FBXO15: variants seen among roughly 807,000 people sequenced by gnomAD.
FBXO15 encodes F-box only protein 15.
A neutral mutation model predicts 49.5 loss-of-function variants in FBXO15; 30 were observed. The observed-to-expected ratio is 0.61, with a 90% CI of 0.45 to 0.82. The LOEUF (loss-of-function observed/expected upper bound fraction) is 0.82. FBXO15 is among the 40% of genes least tolerant of loss of function. The pLI, the probability that FBXO15 is intolerant of heterozygous loss-of-function variation, is 0.00. For synonymous variants in FBXO15, 250 were observed against 232.7 expected (o/e 1.07, Z -0.68); for missense variants, 591 against 631.5 (o/e 0.94, Z 0.69).
chr18:74,146,311 C>A (rs1389332177), intron 1 of FBXO15, among the ~76,000 whole-genome samples: 1 of 152,178 alleles, frequency 6.6e-6, no homozygotes, highest in Non-Finnish European at 1.5e-5. Context: ...TGACCATAGT[C>A]AATCATTCTA....
intron 2 of FBXO15, 61 bp downstream of exon 2, chr18:74,140,141 T>G: frequency 7.1e-7 from 1 of 1,400,612 alleles, no homozygotes; most frequent in East Asian, 2.5e-5. Flanking sequence ...GCATCATAAC[T>G]TTCTCTAATA....
intron 1 of FBXO15, among the ~76,000 whole-genome samples, chr18:74,144,881 G>T (rs1462642357): frequency 6.6e-6 from 1 of 152,116 alleles, no homozygotes; most frequent in African/African-American, 2.4e-5. Context: ...ACCTTAACTT[G>T]TGTGTCCCGA....
At chr18:74,124,446 T>A in intron 7 of FBXO15, 43 bp downstream of exon 7, 2 of 1,488,798 alleles carry the variant, frequency 1.3e-6, no homozygotes, top group African/African-American at 2.8e-5. Flanking sequence ...ATACTTTATA[T>A]TTACTGTACA....
chr18:74,114,296 A>C (rs1020374944), intron 8 of FBXO15, among the ~76,000 whole-genome samples: 2 of 152,196 alleles, frequency 1.3e-5, no homozygotes, highest in African/African-American at 4.8e-5. Flanking sequence ...GGAGGAATTA[A>C]GAGCACTTTG....
chr18:74,121,636 G>T (rs991223358), intron 8 of FBXO15, among the ~76,000 whole-genome samples: 13 of 152,206 alleles, frequency 8.5e-5, no homozygotes, highest in African/African-American at 3.1e-4. Flanking sequence ...AGACAAAGAG[G>T]ATATCTACAG....
chr18:74,131,319 C>G (rs1225091307), intron 3 of FBXO15, among the ~76,000 whole-genome samples: 2 of 152,176 alleles, frequency 1.3e-5, no homozygotes, highest in Non-Finnish European at 2.9e-5. Context: ...TTCCTGTCCC[C>G]ACTGCATAGA....
chr18:74,135,117 T>C (rs924386474), intron 3 of FBXO15, among the ~76,000 whole-genome samples: 1 of 152,144 alleles, frequency 6.6e-6, no homozygotes, highest in Non-Finnish European at 1.5e-5. Flanking sequence ...AAGATTATAG[T>C]GACAAACAGA....
intron 8 of FBXO15, among the ~76,000 whole-genome samples, chr18:74,117,843 C>T (rs1201657582): frequency 2.0e-5 from 3 of 152,010 alleles, no homozygotes; most frequent in African/African-American, 7.2e-5. Context: ...CAACGCTATG[C>T]TGTATTTGTT....
intron 8 of FBXO15, among the ~76,000 whole-genome samples, chr18:74,095,531 C>T (rs1242699242): frequency 6.6e-6 from 1 of 152,194 alleles, no homozygotes; most frequent in South Asian, 2.1e-4. Flanking sequence ...AGTCAGAACA[C>T]ATACAACAGT....
At chr18:74,112,823 G>A (rs1478753214) in intron 8 of FBXO15, among the ~76,000 whole-genome samples, 1 of 152,252 alleles carries the variant, frequency 6.6e-6, no homozygotes, top group Non-Finnish European at 1.5e-5. Context: ...TGGTAAGACT[G>A]TGGAGCAACA....
At chr18:74,117,188 T>G (rs1007053296) in intron 8 of FBXO15, among the ~76,000 whole-genome samples, 3 of 152,190 alleles carry the variant, frequency 2.0e-5, no homozygotes, top group African/African-American at 7.2e-5. Context: ...TGACTCCTAG[T>G]AGTGCAACCA....
At chr18:74,115,576 A>C (rs1332490566) in intron 8 of FBXO15, among the ~76,000 whole-genome samples, 1 of 152,194 alleles carries the variant, frequency 6.6e-6, no homozygotes, top group Non-Finnish European at 1.5e-5. Context: ...AACAAACACG[A>C]ATCCTTTGAT....
intron 8 of FBXO15, among the ~76,000 whole-genome samples, chr18:74,105,872 T>C (rs1465654591): frequency 1.3e-5 from 2 of 152,206 alleles, no homozygotes; most frequent in Admixed American, 6.5e-5. Context: ...TCCAAATTAA[T>C]ACAGATTTAA....
At position 74,110,928 on chromosome 18, in the gene FBXO15, A is replaced by G. The variant is rs1913998382; in HGVS notation, c.1138+12440T>C. Reference sequence around the variant, plus strand: ...TATCTGCGGCAAAAACTAATAGAACAGCAAAGAGAAATAAACTAGTCCACT... The same window carrying G: ...TATCTGCGGCAAAAACTAATAGAACGGCAAAGAGAAATAAACTAGTCCACT... On this transcript the variant is annotated intron_variant, in intron 8 of 9. Transcript: ENST00000419743. Among the ~76,000 whole-genome samples the G allele has an allele frequency of 2.0e-5, 3 of 152,228 alleles. No homozygotes were observed. In the South Asian group the frequency reaches 6.2e-4, roughly 31 times the overall value.
At chr18:74,147,586 G>A (rs1979520442) in intron 1 of FBXO15, 84 bp downstream of exon 1, 5 of 1,316,436 alleles carry the variant, frequency 3.8e-6, no homozygotes, top group East Asian at 6.2e-5. Flanking sequence ...CAAGCTGGAC[G>A]AATAAAATAC....
At chr18:74,145,594 CTTTTT>C (rs760823560) in intron 1 of FBXO15, among the ~76,000 whole-genome samples, 2 of 96,352 alleles carry the variant, frequency 2.1e-5, no homozygotes, top group East Asian at 3.0e-4. Flanking sequence ...ACCAACTGCA[CTTTTT>C]TTTTTTTTTT....
chr18:74,109,199 G>A lies in FBXO15; in HGVS notation c.1138+14169C>T, dbSNP rs563952328. On this transcript the variant is annotated intron_variant, in intron 8 of 9. Coordinates refer to ENST00000419743, the MANE Select transcript of FBXO15 (RefSeq NM_001142958.2). ...TATGAACAGACACTTCTCAAAAGAA[G>A]ACATTTATACAGCCAATAGACATAT... Among the ~76,000 whole-genome samples the A allele has an allele frequency of 2.6e-5, 4 of 152,222 alleles. No homozygotes were observed. In the South Asian group the frequency reaches 6.2e-4, roughly 24 times the overall value.
intron 8 of FBXO15, among the ~76,000 whole-genome samples, chr18:74,082,368 G>A (rs973013601): frequency 1.3e-5 from 2 of 152,230 alleles, no homozygotes; most frequent in Non-Finnish European, 2.9e-5. Flanking sequence ...GGGTTCTTCT[G>A]ATGTGGGTAA....
At chr18:74,136,550 C>T (rs4456597) in intron 2 of FBXO15, among the ~76,000 whole-genome samples, 5,981 of 152,210 alleles carry the variant, frequency 0.039, 390 homozygotes, top group African/African-American at 0.13. Flanking sequence ...CGATCCCAGG[C>T]GCCACCTTCT....
Sources: allele counts gnomAD v4.1 joint callset (sites outside exome capture counted in the v4.1 genomes callset), GRCh38; gene constraint gnomAD v4.1.1; transcripts MANE v1.5; gene names NCBI Gene and HGNC (gene_info 2026-07-23, HGNC 2026-07-21).